ZNF385D: variants seen among roughly 807,000 people sequenced by gnomAD.
The protein encoded by ZNF385D is zinc finger protein 385D.
In ZNF385D, 15 loss-of-function variants were observed where a neutral mutation model predicts 35.8. That is an observed-to-expected ratio of 0.42 (90% CI 0.28 to 0.64). ZNF385D has a LOEUF of 0.64. ZNF385D is among the 30% of genes least tolerant of loss of function. The pLI is 0.23. For synonymous variants in ZNF385D, 212 were observed against 186.8 expected, an observed-to-expected ratio of 1.13 and a Z score of -1.10; for missense variants, 474 against 494.6, an observed-to-expected ratio of 0.96 and a Z score of 0.39.
chr3:22,198,121 C>T (rs1415981992), intron 2 of ZNF385D, among the ~76,000 whole-genome samples: 1 of 151,962 alleles, frequency 6.6e-6, no homozygotes, highest in Non-Finnish European at 1.5e-5. Flanking sequence ...AGAACAGACA[C>T]AGAAACTGTG....
rs2065635710 is a variant in ZNF385D, at chr3:21,642,444, C to T, written c.165+22442G>A. ...CTTCACTGGGATTACAGGTGTGAGC[C>T]ACCACACCCAGCCTCAGCTCTCCTT... On this transcript the variant is annotated intron_variant, in intron 2 of 7. Transcript: ENST00000281523. 6.6e-5 allele frequency among the ~76,000 whole-genome samples: 10 copies of T among 152,108 alleles called. No individual in the cohort carries two copies. In the South Asian group the frequency reaches 2.1e-3, roughly 32 times the overall value.
chr3:21,422,270 T>C (rs535028713), intron 7 of ZNF385D, among the ~76,000 whole-genome samples: 2 of 152,348 alleles, frequency 1.3e-5, no homozygotes, highest in African/African-American at 4.8e-5. Flanking sequence ...TTCAGGGTTA[T>C]GACTAGTGGT....
At chr3:21,899,487 G>T (rs1265476026) in intron 3 of ZNF385D, among the ~76,000 whole-genome samples, 2 of 151,964 alleles carry the variant, frequency 1.3e-5, no homozygotes, top group Non-Finnish European at 2.9e-5. Context: ...AATATGTCTG[G>T]GATGGAGGCT....
intron 2 of ZNF385D, among the ~76,000 whole-genome samples, chr3:21,584,131 G>T (rs375113668): frequency 1.3e-5 from 2 of 151,674 alleles, no homozygotes; most frequent in Non-Finnish European, 2.9e-5. Context: ...ACACCACCAC[G>T]CTAGGCTAAT....
intron 3 of ZNF385D, among the ~76,000 whole-genome samples, chr3:21,529,327 T>A (rs185532351): frequency 8.2e-4 from 125 of 152,248 alleles, no homozygotes; most frequent in African/African-American, 2.8e-3. Context: ...CCCTGTGACT[T>A]CCTAAGGAGA....
At chr3:22,063,738 C>G (rs1231311787) in intron 3 of ZNF385D, among the ~76,000 whole-genome samples, 1 of 152,150 alleles carries the variant, frequency 6.6e-6, no homozygotes, top group Non-Finnish European at 1.5e-5. Context: ...AGGCGTCTCA[C>G]CCAAAGTCAC....
chr3:21,551,366 T>A lies in ZNF385D; in HGVS notation c.276+13208A>T, dbSNP rs10154838. ...TGGCCTTGTACAAATCTATACTCTC[T>A]ACATCTCAGCTTTTGCAGGTGAAAT... On this transcript the variant is annotated intron_variant, in intron 3 of 7. Transcript: ENST00000281523. Among the ~76,000 whole-genome samples, 611 of 152,352 alleles carry A rather than the reference T, an allele frequency of 4.0e-3. 5 individuals carry two copies. Among genetic ancestry groups the A allele is most frequent in the African/African-American group, 0.014 (568 of 41,592 alleles).
intron 3 of ZNF385D, among the ~76,000 whole-genome samples, chr3:21,949,086 G>C (rs140379665): frequency 6.6e-6 from 1 of 152,130 alleles, no homozygotes; most frequent in Non-Finnish European, 1.5e-5. Context: ...GTGATATTGT[G>C]ATATTTAATA....
At chr3:21,990,599 A>T (rs1479644637) in intron 3 of ZNF385D, among the ~76,000 whole-genome samples, 2 of 152,232 alleles carry the variant, frequency 1.3e-5, no homozygotes, top group South Asian at 4.1e-4. Context: ...TATGTGCTAT[A>T]AATTATAACT....
At chr3:22,367,440 A>G (rs1048228627) in intron 2 of ZNF385D, among the ~76,000 whole-genome samples, 2 of 152,192 alleles carry the variant, frequency 1.3e-5, no homozygotes, top group Non-Finnish European at 2.9e-5. Flanking sequence ...ATATACTATG[A>G]AGTTACTGTG....
At chr3:22,038,880 ATTT>A (rs954471668) in intron 3 of ZNF385D, among the ~76,000 whole-genome samples, 7 of 150,138 alleles carry the variant, frequency 4.7e-5, no homozygotes, top group African/African-American at 1.7e-4. Flanking sequence ...ATAAGGTTAT[ATTT>A]TATTTTTATT....
At chr3:22,053,161 C>T (rs1417528904) in intron 3 of ZNF385D, among the ~76,000 whole-genome samples, 1 of 87,560 alleles carries the variant, frequency 1.1e-5, no homozygotes, top group Admixed American at 1.3e-4. Flanking sequence ...ATTCCGTGGG[C>T]GTAGGACCCT....
intron 3 of ZNF385D, among the ~76,000 whole-genome samples, chr3:22,107,718 G>T (rs1214112980): frequency 6.6e-6 from 1 of 151,792 alleles, no homozygotes; most frequent in Non-Finnish European, 1.5e-5. Context: ...TCTTTTTTCT[G>T]TGCATGCGCT....
At position 22,083,812 on chromosome 3, in the gene ZNF385D, A is replaced by C. The variant is rs187790966; in HGVS notation, c.325+85005T>G. Among the ~76,000 whole-genome samples, 728 of 152,306 alleles carry C rather than the reference A, an allele frequency of 4.8e-3. 5 individuals are homozygous for C. Among genetic ancestry groups the C allele is most frequent in the Middle Eastern group, 0.014 (4 of 294 alleles). ...CACCAGGGTTGAAATGAAGGAAAAA[A>C]TGTTAAGGGCAGCCAGAGAGAAAGG... On this transcript the variant is annotated intron_variant, in intron 3 of 5. Transcript: ENST00000494108.
At chr3:22,087,380 C>T (rs1311074943) in intron 3 of ZNF385D, among the ~76,000 whole-genome samples, 1 of 152,024 alleles carries the variant, frequency 6.6e-6, no homozygotes, top group Non-Finnish European at 1.5e-5. Flanking sequence ...ACTCAGTCTC[C>T]CTTAAAAACA....
intron 3 of ZNF385D, among the ~76,000 whole-genome samples, chr3:22,128,645 A>G (rs1188217226): frequency 6.6e-6 from 1 of 152,134 alleles, no homozygotes; most frequent in African/African-American, 2.4e-5. Flanking sequence ...TTGATAAATT[A>G]TGCTGTTGAG....
chr3:21,676,114 T>A (rs2066715959), intron 1 of ZNF385D, among the ~76,000 whole-genome samples: 1 of 152,136 alleles, frequency 6.6e-6, no homozygotes, highest in Non-Finnish European at 1.5e-5. Context: ...AAATAAAATT[T>A]ATTAAGAACA....
intron 3 of ZNF385D, among the ~76,000 whole-genome samples, chr3:22,141,467 A>G (rs1704499474): frequency 6.6e-6 from 1 of 152,192 alleles, no homozygotes; most frequent in Non-Finnish European, 1.5e-5. Flanking sequence ...AGAAAGACAA[A>G]GAAGGAATCC....
intron 1 of ZNF385D, among the ~76,000 whole-genome samples, chr3:21,712,006 A>G (rs1400176567): frequency 1.3e-5 from 2 of 151,994 alleles, no homozygotes; most frequent in Admixed American, 6.5e-5. Context: ...TAACAATACT[A>G]TCTAATTATT....
Sources: gnomAD v4.1 joint callset for allele counts (sites outside exome capture counted in the v4.1 genomes callset) on GRCh38, gnomAD v4.1.1 for gene constraint, MANE v1.5 for transcripts, NCBI Gene and HGNC (gene_info 2026-07-23, HGNC 2026-07-21) for gene names.